The following DNAJB6 variants were observed in gnomAD, a reference collection of about 807,000 sequenced individuals.
DNAJB6 encodes dnaJ homolog subfamily B member 6.
A neutral mutation model predicts 42.7 loss-of-function variants in DNAJB6; 16 were observed. The observed-to-expected ratio is 0.37, with a 90% CI of 0.25 to 0.57. The LOEUF (loss-of-function observed/expected upper bound fraction) is 0.57, where lower values mean the gene tolerates loss of function less well. Among genes scored for constraint, DNAJB6 ranks in the 20% least tolerant of loss-of-function variants. The pLI is 0.74. For missense variants in DNAJB6, 347 were observed against 416.8 expected (o/e 0.83, Z 1.46); for synonymous variants, 170 against 163.5 (o/e 1.04, Z -0.30).
At chr7:157,351,805 A>G (rs1438040272) in intron 1 of DNAJB6, among the ~76,000 whole-genome samples, 1 of 151,774 alleles carries the variant, frequency 6.6e-6, no homozygotes, top group East Asian at 1.9e-4. Flanking sequence ...GTCTACTTTA[A>G]AAAAAACCCA....
chr7:157,349,833 C>T (rs898136141), intron 1 of DNAJB6, among the ~76,000 whole-genome samples: 5 of 152,006 alleles, frequency 3.3e-5, no homozygotes, highest in Admixed American at 6.6e-5. Flanking sequence ...TTAGTAGAGA[C>T]GGTTTCGTCA....
rs1313735787 is a variant in DNAJB6, at chr7:157,363,397, T to G, written c.175+127T>G. The G allele has an allele frequency of 4.6e-5, 27 of 588,848 alleles. 2 individuals carry two copies. In the South Asian group the frequency reaches 5.9e-4, roughly 13 times the overall value. The allele number at this position is 588,848 out of a possible 1,614,324, so 36.5% of individuals were successfully genotyped here. A position where few individuals can be genotyped will look rare whatever the true frequency, so the allele number is the denominator to read the frequency against. On this transcript the variant is annotated intron_variant, in intron 3 of 9. Coordinates refer to ENST00000262177, the MANE Select transcript of DNAJB6 (RefSeq NM_058246.4). Reference sequence around the variant, plus strand: ...CTTGTTTTTGATGCCTACTGGATTTTGGGCCCTTCTAAGAGATTTTTACTT... The same window carrying G: ...CTTGTTTTTGATGCCTACTGGATTTGGGGCCCTTCTAAGAGATTTTTACTT...
chr7:157,353,342 C>T (rs1477642516), intron 1 of DNAJB6, among the ~76,000 whole-genome samples: 1 of 152,044 alleles, frequency 6.6e-6, no homozygotes, highest in African/African-American at 2.4e-5. Context: ...CAGGGATTTT[C>T]CTGTATACCA....
At chr7:157,379,288 G>C (rs1050104894) in intron 5 of DNAJB6, 1 of 152,174 alleles carries the variant, frequency 6.6e-6, no homozygotes, top group African/African-American at 2.4e-5. Flanking sequence ...TCAGTGCCTT[G>C]TGGACAACTT....
chr7:157,405,252 A>C (rs1465722032), intron 8 of DNAJB6, among the ~76,000 whole-genome samples: 1 of 152,148 alleles, frequency 6.6e-6, no homozygotes, highest in Non-Finnish European at 1.5e-5. Context: ...TGTTCGAGAG[A>C]ATGTCCTGGG....
chr7:157,341,637 C>T (rs1244012791), intron 1 of DNAJB6, among the ~76,000 whole-genome samples: 4 of 152,130 alleles, frequency 2.6e-5, no homozygotes, highest in South Asian at 2.1e-4. Context: ...AATACTTATT[C>T]CTCTCTGCCA....
intron 5 of DNAJB6, 69 bp downstream of exon 5, chr7:157,367,552 T>C: frequency 1.0e-6 from 1 of 957,736 alleles, no homozygotes; most frequent in East Asian, 2.4e-5. Context: ...TAGTATGGCC[T>C]TTCTGTTGAA....
At chr7:157,360,230 C>G (rs192478701) in intron 2 of DNAJB6, among the ~76,000 whole-genome samples, 2 of 151,960 alleles carry the variant, frequency 1.3e-5, no homozygotes, top group Non-Finnish European at 2.9e-5. Context: ...TCTTACATGG[C>G]GACAGCAAGA....
chr7:157,402,706 G>A (rs913235110), intron 8 of DNAJB6, among the ~76,000 whole-genome samples: 4 of 152,328 alleles, frequency 2.6e-5, no homozygotes, highest in African/African-American at 7.2e-5. Context: ...ACGGTGCATG[G>A]GTGGTCCCAA....
intron 9 of DNAJB6, among the ~76,000 whole-genome samples, chr7:157,415,694 C>T (rs1334623788): frequency 6.6e-6 from 1 of 150,824 alleles, no homozygotes; most frequent in Non-Finnish European, 1.5e-5. Context: ...TGCAGCCGTG[C>T]CCAGGGTGGG....
chr7:157,383,665 A>G (rs1800906355), intron 6 of DNAJB6, among the ~76,000 whole-genome samples: 2 of 151,200 alleles, frequency 1.3e-5, no homozygotes, highest in African/African-American at 4.9e-5. Context: ...AGCCTTCTCC[A>G]CTTCTGAGGT....
At position 157,416,057 on chromosome 7, in the gene DNAJB6, G is replaced by C. The variant is rs1584956408; in HGVS notation, c.940G>C (p.Glu314Gln). 3 of 1,614,110 alleles carry C rather than the reference G, an allele frequency of 1.9e-6. No individual in the cohort carries two copies. The African/African-American group carries it at 4.0e-5, about 22-fold the overall frequency. ...CAAGAGGAAGAAGCAGAAGCAGAGA[G>C]AGGAGTCGAAGAAGAAGAAGTCGAC... ...GGKRKKQKQR[E>Q]ESKKKKSTKG... Residue 314 changes from glutamate (E) to glutamine (Q), a missense_variant, in exon 10 of 10, where the codon GAG (glutamate) becomes CAG (glutamine). Around this residue, in one of 3 missense-constraint regions of DNAJB6, gnomAD observed 264 missense variants for 288.0 expected, o/e 0.92. Coordinates refer to ENST00000262177, the MANE Select transcript of DNAJB6 (RefSeq NM_058246.4).
chr7:157,372,014 G>A (rs772028927), intron 5 of DNAJB6: 6 of 152,288 alleles, frequency 3.9e-5, no homozygotes, highest in Non-Finnish European at 5.9e-5. Context: ...TAGCAATAGA[G>A]GAGGAGTCCT....
chr7:157,351,020 C>T (rs1421830735), intron 1 of DNAJB6, among the ~76,000 whole-genome samples: 3 of 151,752 alleles, frequency 2.0e-5, no homozygotes, highest in Admixed American at 6.6e-5. Context: ...CTGCAGCCTC[C>T]GTCTCCCAGG....
chr7:157,385,526 A>C lies in DNAJB6; in HGVS notation c.621-15A>C. 6.2e-7 allele frequency: 1 copy of C among 1,609,338 alleles called. No homozygotes were observed. The highest frequency in any genetic ancestry group is 1.1e-5 in the South Asian group (1 of 89,744). ...CTTTACCAGAAAGGTTTTTAAATGAATTTTTTTCCTACAGAATTGTCGAGA... is the reference window on the plus strand; with the variant it reads ...CTTTACCAGAAAGGTTTTTAAATGACTTTTTTTCCTACAGAATTGTCGAGA... On this transcript the variant is annotated splice_polypyrimidine_tract_variant and intron_variant, in intron 7 of 9. Transcript: ENST00000262177.
chr7:157,369,472 C>T (rs1413802978), intron 5 of DNAJB6: 10 of 454,802 alleles, frequency 2.2e-5, no homozygotes, highest in South Asian at 9.3e-5. Flanking sequence ...CTGGGGCACA[C>T]GAGGTGAAAC....
chr7:157,366,506 G>A lies in DNAJB6; in HGVS notation c.180G>A (p.Lys60=), dbSNP rs767903729. The change falls in exon 4 of 10, where the codon AAG becomes AAA. Residue 60 remains lysine, a synonymous_variant. Coordinates refer to ENST00000262177, the MANE Select transcript of DNAJB6 (RefSeq NM_058246.4). ...AEAYEVLSDA[K]KRDIYDKYGK... ...GACTTTTCTTTCAATTTTTAGCTAA[G>A]AAACGGGACATCTATGACAAATATG... 1.9e-6 allele frequency: 3 copies of A among 1,613,980 alleles called. No homozygotes were observed. In the East Asian group the frequency reaches 6.7e-5, roughly 36 times the overall value.
chr7:157,367,522 G>T (rs1453733402), intron 5 of DNAJB6, 39 bp downstream of exon 5: 6 of 1,230,350 alleles, frequency 4.9e-6, no homozygotes, highest in South Asian at 3.6e-5. Flanking sequence ...GTGTGTCCAT[G>T]ACCCAAATGA....
intron 9 of DNAJB6, chr7:157,415,309 CT>C: frequency 6.6e-6 from 1 of 152,270 alleles, no homozygotes; most frequent in Non-Finnish European, 1.5e-5. Context: ...GGGTGGGCGT[CT>C]TTCTCCATGC....
Sources: allele counts gnomAD v4.1 joint callset (sites outside exome capture counted in the v4.1 genomes callset), GRCh38; gene constraint gnomAD v4.1.1; regional missense constraint gnomAD v4.1.1; transcripts MANE v1.5; gene names NCBI Gene and HGNC (gene_info 2026-07-23, HGNC 2026-07-21).